OR51B5: variants seen among roughly 807,000 people sequenced by gnomAD.
OR51B5 encodes the protein olfactory receptor family 51 subfamily B member 5, also known as olfactory receptor 51B5.
For missense variants in OR51B5, 456 were observed against 374.6 expected (o/e 1.22, Z -1.79); for synonymous variants, 186 against 144.8 (o/e 1.28, Z -2.04).
chr11:5,442,397 A>T (rs1850703309), intron 1 of OR51B5, among the ~76,000 whole-genome samples: 1 of 152,150 alleles, frequency 6.6e-6, no homozygotes, highest in Non-Finnish European at 1.5e-5. Context: ...CTCCAAGGAC[A>T]GGCTCTCCAC....
chr11:5,424,844 T>A (rs1487099787), intron 1 of OR51B5, among the ~76,000 whole-genome samples: 1 of 103,880 alleles, frequency 9.6e-6, no homozygotes, highest in South Asian at 2.8e-4. Context: ...TAGCCGGGCG[T>A]GGTGGCGGGC....
At chr11:5,453,314 G>A in intron 1 of OR51B5, 3 of 448,566 alleles carry the variant, frequency 6.7e-6, no homozygotes, top group Non-Finnish European at 1.2e-5. Flanking sequence ...AAGAAAAGGA[G>A]TTTGCCTGCA....
intron 1 of OR51B5, among the ~76,000 whole-genome samples, chr11:5,405,051 A>G (rs1259331533): frequency 1.3e-5 from 2 of 152,220 alleles, no homozygotes; most frequent in Non-Finnish European, 2.9e-5. Flanking sequence ...AGAGGCAAGC[A>G]TCCTCTTTGT....
downstream of OR51B5, chr11:5,342,525 T>G (rs1848910819): frequency 3.8e-5 from 57 of 1,515,940 alleles, no homozygotes; most frequent in South Asian, 7.5e-4. Context: ...GAGACTTCTT[T>G]GCTCTCCTGC....
exon 1 of OR51B5, chr11:5,342,760 T>C (rs1410751898): frequency 6.2e-7 from 1 of 1,613,650 alleles, no homozygotes; most frequent in Admixed American, 1.7e-5. Context: ...TCAGAGACAA[T>C]CCAATCACTG....
At chr11:5,471,821 C>A (rs117372022) in intron 1 of OR51B5, among the ~76,000 whole-genome samples, 1 of 152,080 alleles carries the variant, frequency 6.6e-6, no homozygotes, top group Admixed American at 6.5e-5. Flanking sequence ...AGCTTCCTCA[C>A]GTCTTATTTT....
intron 1 of OR51B5, among the ~76,000 whole-genome samples, chr11:5,429,887 C>T (rs1850510224): frequency 6.6e-6 from 1 of 152,106 alleles, no homozygotes; most frequent in Non-Finnish European, 1.5e-5. Context: ...AATCTGTAGC[C>T]TGGGCATTGT....
At chr11:5,455,999 T>G (rs1312202249) in intron 1 of OR51B5, 1 of 152,236 alleles carries the variant, frequency 6.6e-6, no homozygotes, top group Non-Finnish European at 1.5e-5. Context: ...ATAACTTTTC[T>G]GATTCATATT....
chr11:5,361,171 CA>C (rs1400103506), intron 1 of OR51B5, among the ~76,000 whole-genome samples: 1 of 151,866 alleles, frequency 6.6e-6, no homozygotes, highest in African/African-American at 2.4e-5. Context: ...AAATCTGCTG[CA>C]AAAAGGCCAT....
intron 1 of OR51B5, among the ~76,000 whole-genome samples, chr11:5,485,656 T>A (rs1851487640): frequency 6.6e-6 from 1 of 152,152 alleles, no homozygotes; most frequent in Non-Finnish European, 1.5e-5. Context: ...TCCAAACCCA[T>A]CAGGCAGGCC....
intron 1 of OR51B5, among the ~76,000 whole-genome samples, chr11:5,418,760 G>C (rs541647440): frequency 6.6e-6 from 1 of 151,932 alleles, no homozygotes; most frequent in African/African-American, 2.4e-5. Flanking sequence ...GATAGCATTA[G>C]GAGAAATACC....
chr11:5,448,619 T>A (rs1850803820), intron 1 of OR51B5, among the ~76,000 whole-genome samples: 1 of 152,194 alleles, frequency 6.6e-6, no homozygotes, highest in African/African-American at 2.4e-5. Context: ...AAGAAGCTTC[T>A]AAGAATAACC....
intron 1 of OR51B5, chr11:5,352,490 C>T: frequency 8.0e-7 from 1 of 1,243,352 alleles, no homozygotes; most frequent in South Asian, 1.4e-5. Context: ...GGGACCTGGA[C>T]AGGATGACAA....
At chr11:5,493,258 C>A (rs1851604230) in intron 1 of OR51B5, among the ~76,000 whole-genome samples, 1 of 152,134 alleles carries the variant, frequency 6.6e-6, no homozygotes, top group African/African-American at 2.4e-5. Flanking sequence ...GCTTGCACTT[C>A]TGAGACCTCA....
chr11:5,467,990 C>A (rs1851163720), intron 1 of OR51B5, among the ~76,000 whole-genome samples: 1 of 152,158 alleles, frequency 6.6e-6, no homozygotes, highest in Admixed American at 6.6e-5. Flanking sequence ...TTCCATTTTA[C>A]AGAACTCTGG....
Position 5,498,444 on chromosome 11 carries a change from G to A in OR51B5, n.84+7125C>T, listed in dbSNP as rs563253812. Among the ~76,000 whole-genome samples the A allele has an allele frequency of 1.9e-4, 29 of 152,186 alleles. 3 individuals are homozygous for A. In the South Asian group the frequency reaches 5.8e-3, roughly 31 times the overall value. ...CAGTCACCTTAACACTGGATGCCCT[G>A]GCCAACAAATGGTCCTGTCTTCATA... On this transcript the variant is annotated intron_variant and non_coding_transcript_variant, in intron 1 of 4. Coordinates refer to the OR51B5 transcript ENST00000415970.
At chr11:5,374,091 C>G (rs985369484) in intron 1 of OR51B5, among the ~76,000 whole-genome samples, 19 of 152,146 alleles carry the variant, frequency 1.2e-4, no homozygotes, top group African/African-American at 4.3e-4. Flanking sequence ...CAAGTAAGGG[C>G]AGACTGACAC....
chr11:5,387,930 T>G (rs1048684917), intron 1 of OR51B5, among the ~76,000 whole-genome samples: 6 of 152,172 alleles, frequency 3.9e-5, no homozygotes, highest in Admixed American at 6.6e-5. Context: ...TTGTCTCTGT[T>G]CTGTTTCTGT....
intron 1 of OR51B5, among the ~76,000 whole-genome samples, chr11:5,354,533 C>T (rs11604556): frequency 0.11 from 17,339 of 152,086 alleles, 1,086 homozygotes; most frequent in South Asian, 0.15. Flanking sequence ...TCCCGTGAAA[C>T]AGAGCAGAGC....
Sources: allele counts gnomAD v4.1 joint callset (sites outside exome capture counted in the v4.1 genomes callset), GRCh38; gene constraint gnomAD v4.1.1; transcripts MANE v1.5; gene names NCBI Gene and HGNC (gene_info 2026-07-23, HGNC 2026-07-21).